Variants in PPARGC1A observed in about 807,000 individuals in gnomAD.
PPARGC1A encodes PPARG coactivator 1 alpha.
PPARGC1A carries 25 observed loss-of-function variants against 88.7 expected under a neutral mutation model. That is an observed-to-expected ratio of 0.28 (90% confidence interval 0.21 to 0.39). PPARGC1A has a LOEUF of 0.39. Among genes scored for constraint, PPARGC1A ranks in the 10% least tolerant of loss-of-function variants. The pLI is 1.00. For synonymous variants in PPARGC1A, 363 were observed against 355.6 expected (o/e 1.02, Z -0.24); for missense variants, 880 against 968.7 (o/e 0.91, Z 1.22).
the PPARGC1A span, among the ~76,000 whole-genome samples, chr4:24,015,264 T>C: frequency 3.9e-5 from 6 of 152,056 alleles, no homozygotes; most frequent in Non-Finnish European, 8.8e-5. Flanking sequence ...TAGGTATAGA[T>C]GAGATAGAGA....
At chr4:24,127,730 C>T in the PPARGC1A span, among the ~76,000 whole-genome samples, 18 of 152,032 alleles carry the variant, frequency 1.2e-4, no homozygotes, top group East Asian at 1.6e-3. Context: ...TTCATCATAT[C>T]GTGTTTCATA....
the PPARGC1A span, among the ~76,000 whole-genome samples, chr4:24,385,707 C>T: frequency 6.6e-6 from 1 of 152,082 alleles, no homozygotes; most frequent in Non-Finnish European, 1.5e-5. Flanking sequence ...AGCCGAATCC[C>T]TGAATAGACC....
At chr4:24,409,519 C>T in the PPARGC1A span, among the ~76,000 whole-genome samples, 1 of 152,182 alleles carries the variant, frequency 6.6e-6, no homozygotes, top group Non-Finnish European at 1.5e-5. Flanking sequence ...ATCACAGATA[C>T]TAGTGTTGCA....
At chr4:24,449,322 C>T in the PPARGC1A span, among the ~76,000 whole-genome samples, 7 of 152,208 alleles carry the variant, frequency 4.6e-5, no homozygotes, top group Non-Finnish European at 1.0e-4. Flanking sequence ...AACCCTGCTG[C>T]CTCAGTGTAA....
At chr4:24,122,557 G>A in the PPARGC1A span, among the ~76,000 whole-genome samples, 3 of 151,912 alleles carry the variant, frequency 2.0e-5, no homozygotes, top group African/African-American at 7.3e-5. Context: ...CACATTTAAT[G>A]AGCACTTGCT....
chr4:24,359,352 A>G, the PPARGC1A span, among the ~76,000 whole-genome samples: 1 of 152,100 alleles, frequency 6.6e-6, no homozygotes, highest in Non-Finnish European at 1.5e-5. Flanking sequence ...CTGTGGCTTG[A>G]CTGCTGTCTC....
At chr4:23,884,673 G>A (rs1267258231) in intron 2 of PPARGC1A, 79 bp downstream of exon 2, 11 of 1,226,630 alleles carry the variant, frequency 9.0e-6, no homozygotes, top group South Asian at 1.9e-5. Context: ...AACTCATTAT[G>A]CATTCAGGTC....
the PPARGC1A span, among the ~76,000 whole-genome samples, chr4:24,146,670 A>T: frequency 6.6e-6 from 1 of 152,194 alleles, no homozygotes; most frequent in Non-Finnish European, 1.5e-5. Flanking sequence ...TGAAAGATAA[A>T]ATCAATATGA....
At chr4:24,379,605 A>T in the PPARGC1A span, among the ~76,000 whole-genome samples, 2 of 152,080 alleles carry the variant, frequency 1.3e-5, no homozygotes, top group Middle Eastern at 3.4e-3. Context: ...AAATACAGGA[A>T]AATTTTCACA....
chr4:24,157,486 A>G, the PPARGC1A span, among the ~76,000 whole-genome samples: 1 of 152,060 alleles, frequency 6.6e-6, no homozygotes, highest in South Asian at 2.1e-4. Flanking sequence ...TCCTACATGT[A>G]TATCTCTAAC....
the PPARGC1A span, among the ~76,000 whole-genome samples, chr4:24,249,562 G>C: frequency 6.6e-6 from 1 of 152,202 alleles, no homozygotes; most frequent in Non-Finnish European, 1.5e-5. Context: ...TCTGTTTACA[G>C]TCAGAGAAGG....
chr4:24,360,421 C>T, the PPARGC1A span, among the ~76,000 whole-genome samples: 36 of 152,126 alleles, frequency 2.4e-4, no homozygotes, highest in African/African-American at 8.7e-4. Flanking sequence ...CAGAGGCTGC[C>T]CAGATAGCAC....
At chr4:24,466,995 GAGGA>G in the PPARGC1A span, among the ~76,000 whole-genome samples, 4 of 102,832 alleles carry the variant, frequency 3.9e-5, no homozygotes, top group Admixed American at 2.9e-4. Flanking sequence ...AGGAGGGAGG[GAGGA>G]AGGAAGGGGA....
At chr4:24,199,541 A>G in the PPARGC1A span, among the ~76,000 whole-genome samples, 1 of 152,210 alleles carries the variant, frequency 6.6e-6, no homozygotes, top group African/African-American at 2.4e-5. Context: ...GATCAAAGGC[A>G]AGAAAGGCAT....
At chr4:24,143,374 G>A in the PPARGC1A span, among the ~76,000 whole-genome samples, 2 of 152,114 alleles carry the variant, frequency 1.3e-5, no homozygotes, top group African/African-American at 4.8e-5. Flanking sequence ...AACATGTGCT[G>A]TGAGGAATCA....
At chr4:24,069,010 G>A in the PPARGC1A span, among the ~76,000 whole-genome samples, 1 of 152,184 alleles carries the variant, frequency 6.6e-6, no homozygotes, top group Non-Finnish European at 1.5e-5. Context: ...AAGGTGTTTG[G>A]TAATGATAGT....
chr4:24,032,409 A>T, the PPARGC1A span, among the ~76,000 whole-genome samples: 1 of 152,144 alleles, frequency 6.6e-6, no homozygotes, highest in African/African-American at 2.4e-5. Flanking sequence ...CATGGTGTTC[A>T]TAGAGCTCAC....
chr4:24,254,980 C>T, the PPARGC1A span, among the ~76,000 whole-genome samples: 368 of 152,270 alleles, frequency 2.4e-3, 1 homozygote, highest in African/African-American at 8.6e-3. Flanking sequence ...AGTCAGCACC[C>T]CCACTCTTGC....
the PPARGC1A span, among the ~76,000 whole-genome samples, chr4:24,283,459 A>G: frequency 1.3e-5 from 2 of 152,358 alleles, no homozygotes; most frequent in African/African-American, 4.8e-5. Flanking sequence ...GGAACAAACG[A>G]AGGAAACGGC....
Sources: gnomAD v4.1 joint callset for allele counts (sites outside exome capture counted in the v4.1 genomes callset) on GRCh38, gnomAD v4.1.1 for gene constraint, MANE v1.5 for transcripts, NCBI Gene and HGNC (gene_info 2026-07-23, HGNC 2026-07-21) for gene names.